The following GRM8 variants were observed in gnomAD, a reference collection of about 807,000 sequenced individuals.
GRM8 encodes the protein metabotropic glutamate receptor 8.
In GRM8, 47 loss-of-function variants were observed where a neutral mutation model predicts 87.2. That is an observed-to-expected ratio of 0.54 (90% CI 0.43 to 0.69). The LOEUF (loss-of-function observed/expected upper bound fraction) is 0.69, where lower values mean the gene tolerates loss of function less well. GRM8 is among the 30% of genes least tolerant of loss of function. GRM8 has a pLI of 0.00. For synonymous variants in GRM8, 396 were observed against 404.5 expected (o/e 0.98, Z 0.25); for missense variants, 1,019 against 1,139.2 (o/e 0.89, Z 1.52).
chr7:127,237,458 G>A (rs1235574086), intron 2 of GRM8, among the ~76,000 whole-genome samples: 1 of 152,228 alleles, frequency 6.6e-6, no homozygotes. Flanking sequence ...TGGCTTTATA[G>A]AAGTGGTTGC....
chr7:126,808,348 C>T (rs982320914), intron 6 of GRM8, among the ~76,000 whole-genome samples: 12 of 152,120 alleles, frequency 7.9e-5, no homozygotes, highest in Non-Finnish European at 1.5e-4. Flanking sequence ...AGAAGAGACA[C>T]TGGAAAAAAG....
intron 7 of GRM8, among the ~76,000 whole-genome samples, chr7:126,765,986 C>T (rs1818153447): frequency 6.6e-6 from 1 of 152,058 alleles, no homozygotes; most frequent in Admixed American, 6.6e-5. Context: ...CCAATTAGTA[C>T]TCTACAGTTC....
intron 7 of GRM8, among the ~76,000 whole-genome samples, chr7:126,768,357 TA>T (rs57868820): frequency 3.5e-4 from 19 of 53,550 alleles, no homozygotes; most frequent in Admixed American, 9.0e-4. Context: ...TTTGATAATG[TA>T]AAAAAAAAAA....
At chr7:126,641,479 G>A (rs996014257) in intron 7 of GRM8, among the ~76,000 whole-genome samples, 1 of 152,174 alleles carries the variant, frequency 6.6e-6, no homozygotes, top group African/African-American at 2.4e-5. Context: ...GTGACATGGA[G>A]TAAGCATGGT....
intron 3 of GRM8, among the ~76,000 whole-genome samples, chr7:126,963,016 G>T (rs569896649): frequency 6.6e-6 from 1 of 152,210 alleles, no homozygotes; most frequent in South Asian, 2.1e-4. Flanking sequence ...TACATTACCT[G>T]TGTTTACATC....
intron 3 of GRM8, among the ~76,000 whole-genome samples, chr7:127,055,227 A>G (rs1819867686): frequency 7.5e-6 from 1 of 132,586 alleles, no homozygotes. Flanking sequence ...TTTTTCGTCT[A>G]CAGAAAAGAA....
chr7:126,749,145 G>A (rs1237382563), intron 7 of GRM8, among the ~76,000 whole-genome samples: 1 of 152,004 alleles, frequency 6.6e-6, no homozygotes, highest in Non-Finnish European at 1.5e-5. Context: ...AGACATCCTG[G>A]TGCCTGCCTG....
intron 7 of GRM8, among the ~76,000 whole-genome samples, chr7:126,739,746 A>G (rs902259796): frequency 8.7e-5 from 13 of 150,004 alleles, no homozygotes; most frequent in Non-Finnish European, 1.8e-4. Flanking sequence ...GTCATGCACC[A>G]CACACATTTC....
chr7:126,752,726 C>G (rs1180358319), intron 7 of GRM8, among the ~76,000 whole-genome samples: 4 of 152,096 alleles, frequency 2.6e-5, no homozygotes, highest in African/African-American at 9.7e-5. Context: ...ATGATGGTTA[C>G]ACAAATCTCT....
chr7:127,183,309 A>G (rs936825839), intron 2 of GRM8, among the ~76,000 whole-genome samples: 2 of 151,936 alleles, frequency 1.3e-5, no homozygotes, highest in Non-Finnish European at 2.9e-5. Context: ...CAAAAAACAC[A>G]TTAACAAATT....
At chr7:127,027,569 T>C (rs753940895) in intron 3 of GRM8, among the ~76,000 whole-genome samples, 18 of 152,174 alleles carry the variant, frequency 1.2e-4, no homozygotes, top group Non-Finnish European at 2.2e-4. Context: ...TAAGTTTGAT[T>C]CCTAGGTATT....
chr7:126,529,097 A>G (rs572950715), intron 9 of GRM8, among the ~76,000 whole-genome samples: 1 of 152,324 alleles, frequency 6.6e-6, no homozygotes, highest in East Asian at 1.9e-4. Context: ...TTAAACATGT[A>G]GTAGTCCTAT....
intron 7 of GRM8, among the ~76,000 whole-genome samples, chr7:126,768,439 C>T (rs1006690359): frequency 6.9e-6 from 1 of 145,386 alleles, no homozygotes; most frequent in African/African-American, 2.6e-5. Flanking sequence ...ATAGCCATTA[C>T]ATTAAGATAT....
intron 3 of GRM8, among the ~76,000 whole-genome samples, chr7:127,085,790 CA>C (rs1191356122): frequency 6.6e-6 from 1 of 152,168 alleles, no homozygotes; most frequent in Admixed American, 6.5e-5. Flanking sequence ...TTTTGCTGTG[CA>C]GAAGCTCTTT....
In GRM8 at chr7:126,642,509, G is replaced by A. The variant is rs151221140; in HGVS notation, c.1358-33011C>T. On this transcript the variant is annotated intron_variant, in intron 7 of 10. Coordinates refer to ENST00000339582, the MANE Select transcript of GRM8 (RefSeq NM_000845.3). Reference sequence around the variant, plus strand: ...AAAAACATTAGCCGGGAGTGCTGGCGGACGCCTGTAGTCCCAGCTACTTGG... The same window carrying A: ...AAAAACATTAGCCGGGAGTGCTGGCAGACGCCTGTAGTCCCAGCTACTTGG... 4.2e-3 allele frequency among the ~76,000 whole-genome samples: 637 copies of A among 152,014 alleles called. 9 individuals are homozygous for A. The highest frequency in any genetic ancestry group is 0.041 in the South Asian group (195 of 4,810).
chr7:127,109,177 G>T (rs908616727), intron 2 of GRM8, among the ~76,000 whole-genome samples: 1 of 152,040 alleles, frequency 6.6e-6, no homozygotes, highest in African/African-American at 2.4e-5. Context: ...TAACCTTGGA[G>T]GTTTCATCTA....
intron 2 of GRM8, among the ~76,000 whole-genome samples, chr7:127,147,143 G>C (rs566227632): frequency 3.3e-5 from 5 of 151,972 alleles, no homozygotes; most frequent in African/African-American, 9.7e-5. Flanking sequence ...AGAGGCACTA[G>C]ATTCAACAAT....
chr7:126,489,435 A>G (rs1390380670), intron 9 of GRM8, among the ~76,000 whole-genome samples: 2 of 152,074 alleles, frequency 1.3e-5, no homozygotes, highest in Non-Finnish European at 2.9e-5. Flanking sequence ...CTTGTCATAG[A>G]GGATGATTTG....
chr7:127,201,000 C>T (rs1168562016), intron 2 of GRM8, among the ~76,000 whole-genome samples: 1 of 152,128 alleles, frequency 6.6e-6, no homozygotes, highest in Non-Finnish European at 1.5e-5. Context: ...AAGTGCACAG[C>T]TTTATTATAT....
Sources: gnomAD v4.1 joint callset for allele counts (sites outside exome capture counted in the v4.1 genomes callset) on GRCh38, gnomAD v4.1.1 for gene constraint, MANE v1.5 for transcripts, NCBI Gene and HGNC (gene_info 2026-07-23, HGNC 2026-07-21) for gene names.